CHIC2: variants seen among roughly 807,000 people sequenced by gnomAD.
CHIC2 encodes cysteine rich hydrophobic domain 2.
CHIC2 carries 14 observed loss-of-function variants against 25.9 expected under a neutral mutation model. That is an observed-to-expected ratio of 0.54 (90% CI 0.36 to 0.85). The LOEUF is 0.85. Among genes scored for constraint, CHIC2 ranks in the 40% least tolerant of loss-of-function variants. CHIC2 has a pLI of 0.01. For missense variants in CHIC2, 146 were observed against 202.0 expected (o/e 0.72, Z 1.68); for synonymous variants, 70 against 72.0 (o/e 0.97, Z 0.14).
the CHIC2 span, among the ~76,000 whole-genome samples, chr4:54,071,045 C>T: frequency 6.6e-4 from 100 of 152,266 alleles, no homozygotes; most frequent in Non-Finnish European, 1.1e-3. Context: ...TACAACTATG[C>T]AAAAGGCCTT....
rs1410270216 is a variant in CHIC2 at position 54,043,263 on chromosome 4, TACAAA to T, written c.330+5687_330+5691del. On this transcript the variant is annotated intron_variant, in intron 3 of 5. Coordinates refer to ENST00000263921, the MANE Select transcript of CHIC2 (RefSeq NM_012110.4). The stretch of plus-strand genomic sequence containing the variant: ...AGTGAAAACCTGTCTCTACTAAAAA[TACAAA>T]AACTTAGCCAGGTGTGGTGGTGGGC... Among the ~76,000 whole-genome samples, 10 of 151,906 alleles carry T rather than the reference TACAAA, an allele frequency of 6.6e-5. No homozygotes were observed. The East Asian group carries it at 9.7e-4, about 15-fold the overall frequency.
Position 54,024,090 on chromosome 4 carries a change from G to A in CHIC2, c.331-9971C>T, listed in dbSNP as rs538062199. Among the ~76,000 whole-genome samples, 208 of 152,142 alleles carry A rather than the reference G, an allele frequency of 1.4e-3. 1 individual carries two copies. The highest frequency in any genetic ancestry group is 3.4e-3 in the Admixed American group (52 of 15,284). On this transcript the variant is annotated intron_variant, in intron 3 of 5. Coordinates refer to ENST00000263921, the MANE Select transcript of CHIC2 (RefSeq NM_012110.4). The stretch of plus-strand genomic sequence containing the variant: ...CTCATGGCCAGTTTTTCTCCTTCTC[G>A]TCAGTCACTCCCACCTACTCTGCCA...
upstream of CHIC2, among the ~76,000 whole-genome samples, chr4:54,065,107 TGAG>T (rs1305248171): frequency 6.6e-6 from 1 of 152,210 alleles, no homozygotes; most frequent in Non-Finnish European, 1.5e-5. Context: ...TTTCCCAATT[TGAG>T]GAGTCCAGCA....
At chr4:54,071,073 C>T in the CHIC2 span, among the ~76,000 whole-genome samples, 21 of 152,178 alleles carry the variant, frequency 1.4e-4, no homozygotes, top group Admixed American at 2.6e-4. Context: ...CAACAGAGAT[C>T]CTCTTCGCCT....
chr4:54,079,315 A>G, the CHIC2 span, among the ~76,000 whole-genome samples: 74 of 152,198 alleles, frequency 4.9e-4, no homozygotes, highest in African/African-American at 1.7e-3. Context: ...AACTCCTAGA[A>G]CAAAAAATAG....
At chr4:54,037,815 CAGAG>C (rs1716441718) in intron 3 of CHIC2, among the ~76,000 whole-genome samples, 1 of 151,876 alleles carries the variant, frequency 6.6e-6, no homozygotes, top group African/African-American at 2.4e-5. Context: ...ATCCATGACT[CAGAG>C]AGAAAATCAC....
Position 54,017,818 on chromosome 4 carries a change from A to AAAAAAC in CHIC2, c.331-3705_331-3700dup, listed in dbSNP as rs553939383. Among the ~76,000 whole-genome samples, 801 of 152,254 alleles carry AAAAAAC rather than the reference A, an allele frequency of 5.3e-3. 4 individuals carry two copies. The highest frequency in any genetic ancestry group is 8.4e-3 in the Non-Finnish European group (574 of 68,008). On this transcript the variant is annotated intron_variant, in intron 3 of 5. Transcript: ENST00000263921. Reference sequence around the variant, plus strand: ...CACTTTAAATAACCCTTTTTCTTTAAAAAAACAAAAACAAAAACAAAAACA... The same window carrying AAAAAAC: ...CACTTTAAATAACCCTTTTTCTTTAAAAAAACAAAAACAAAAACAAAAACAAAAACA...
At chr4:54,075,053 G>A in the CHIC2 span, among the ~76,000 whole-genome samples, 93 of 152,328 alleles carry the variant, frequency 6.1e-4, no homozygotes, top group African/African-American at 2.2e-3. Context: ...CAAGGCTGCA[G>A]TGAGCTGTGA....
chr4:54,045,802 C>A (rs1249401321), intron 3 of CHIC2, among the ~76,000 whole-genome samples: 1 of 151,956 alleles, frequency 6.6e-6, no homozygotes, highest in Admixed American at 6.5e-5. Context: ...CTGGCCAGGG[C>A]AATCAGGCAG....
At chr4:54,049,186 C>A in intron 2 of CHIC2, 65 bp downstream of exon 2, 1 of 1,559,942 alleles carries the variant, frequency 6.4e-7, no homozygotes, top group Non-Finnish European at 8.7e-7. Flanking sequence ...ATACTTTTTT[C>A]TAATTTTCTC....
chr4:54,082,929 A>G, the CHIC2 span, among the ~76,000 whole-genome samples: 1 of 151,300 alleles, frequency 6.6e-6, no homozygotes, highest in Non-Finnish European at 1.5e-5. Context: ...ATTTCATCTC[A>G]TCATATTGCT....
chr4:54,051,467 C>A (rs758338075), intron 1 of CHIC2, among the ~76,000 whole-genome samples: 5 of 151,964 alleles, frequency 3.3e-5, no homozygotes, highest in Non-Finnish European at 7.4e-5. Flanking sequence ...TTCTCTTTTC[C>A]ATGCTCCGTA....
chr4:54,024,593 A>G (rs1716000303), intron 3 of CHIC2, among the ~76,000 whole-genome samples: 1 of 152,156 alleles, frequency 6.6e-6, no homozygotes, highest in Non-Finnish European at 1.5e-5. Flanking sequence ...TCACTGCTAA[A>G]AAAAGGGGAC....
At chr4:54,021,530 C>G (rs1403305561) in intron 3 of CHIC2, among the ~76,000 whole-genome samples, 1 of 152,084 alleles carries the variant, frequency 6.6e-6, no homozygotes, top group Non-Finnish European at 1.5e-5. Flanking sequence ...TTATCAACTC[C>G]CCTCACACCC....
At chr4:54,065,452 A>G (rs1717494022), upstream of CHIC2, 5 of 277,108 alleles carry the variant, frequency 1.8e-5, no homozygotes, top group Admixed American at 3.2e-4. Flanking sequence ...AAGAAAGGGC[A>G]GAGGAGAGGA....
chr4:54,024,083 CCTT>C (rs1276022066), intron 3 of CHIC2, among the ~76,000 whole-genome samples: 1 of 152,180 alleles, frequency 6.6e-6, no homozygotes. Context: ...CAGTTTTTCT[CCTT>C]CTCGTCAGTC....
chr4:54,053,341 G>C (rs1463450225), intron 1 of CHIC2, among the ~76,000 whole-genome samples: 1 of 152,090 alleles, frequency 6.6e-6, no homozygotes, highest in East Asian at 1.9e-4. Context: ...TGGATCACCT[G>C]AGGTCAGGAG....
At chr4:54,080,968 ATATATATATATATATAT>A in the CHIC2 span, among the ~76,000 whole-genome samples, 2 of 141,670 alleles carry the variant, frequency 1.4e-5, no homozygotes, top group African/African-American at 5.2e-5. Context: ...ATATATATAT[ATATATATATATATATAT>A]AAAATCATCA....
the CHIC2 span, among the ~76,000 whole-genome samples, chr4:54,078,705 G>C: frequency 6.6e-6 from 1 of 151,644 alleles, no homozygotes; most frequent in Non-Finnish European, 1.5e-5. Context: ...AGTAGAGATG[G>C]GGTTTCGCCA....
Sources: gnomAD v4.1 joint callset for allele counts (sites outside exome capture counted in the v4.1 genomes callset) on GRCh38, gnomAD v4.1.1 for gene constraint, MANE v1.5 for transcripts, NCBI Gene and HGNC (gene_info 2026-07-23, HGNC 2026-07-21) for gene names.